Variants in RNF19B observed in about 807,000 individuals in gnomAD.
RNF19B encodes E3 ubiquitin-protein ligase RNF19B.
RNF19B carries 23 observed loss-of-function variants against 65.5 expected under a neutral mutation model. That is an observed-to-expected ratio of 0.35 (90% CI 0.25 to 0.50). RNF19B has a LOEUF of 0.50. Among genes scored for constraint, RNF19B ranks in the 20% least tolerant of loss-of-function variants. The probability of loss-of-function intolerance (pLI) is 0.98; values close to 1 mark genes in which losing one functional copy is unlikely to be tolerated. For synonymous variants in RNF19B, 372 were observed against 379.6 expected, an observed-to-expected ratio of 0.98 and a Z score of 0.23; for missense variants, 794 against 980.0, an observed-to-expected ratio of 0.81 and a Z score of 2.53.
chr1:32,949,606 G>T lies in RNF19B; in HGVS notation c.804C>A (p.His268Gln). 1 of 1,614,012 alleles carries T rather than the reference G, an allele frequency of 6.2e-7. No individual in the cohort carries two copies. Among genetic ancestry groups the T allele is most frequent in the Non-Finnish European group, 8.5e-7 (1 of 1,180,014 alleles). The change falls in exon 2 of 9, where the codon CAC becomes CAA. Residue 268 changes from histidine to glutamine, a missense_variant. By Grantham distance (24) the His-to-Gln change is conservative. Around this residue, in one of 3 missense-constraint regions of RNF19B, gnomAD observed 374 missense variants for 423.8 expected, o/e 0.88. Coordinates refer to ENST00000235150, the MANE Select transcript of RNF19B (RefSeq NM_001300826.2). ...RAQTLRVRTK[H>Q]TSGLSYGQES... ...CTTGCCCATAACTGAGACCTGAAGT[G>T]TGTTTGGTCCGAACTCGTAAAGTCT...
Position 32,964,617 on chromosome 1 carries a change from C to G in RNF19B, c.69G>C (p.Lys23Asn). The G allele has an allele frequency of 6.8e-7, 1 of 1,468,520 alleles. No homozygotes were observed. The highest frequency in any genetic ancestry group is 9.0e-7 in the Non-Finnish European group (1 of 1,113,882). 91.0% of individuals were successfully genotyped at this position (1,468,520 alleles called of 1,614,324 possible). ...TSLHAAAPDP[K>N]CRSGGRRRRL... ...GCCGGCGCCGGCCGCCGCTGCGGCA[C>G]TTAGGGTCGGGTGCGGCCGCATGTA... The change falls in exon 1 of 9, where the codon AAG (lysine) becomes AAC (asparagine). Residue 23 changes from lysine to asparagine, a missense_variant. Physicochemically the swap from Lys to Asn is moderately conservative, Grantham distance 94. This residue lies in a region of RNF19B where 374 missense variants were observed against 423.8 expected (regional missense o/e 0.88). Transcript: ENST00000235150. The surrounding 1 kb of genome is among the most constrained non-coding windows in gnomAD (Gnocchi z 6.5).
At chr1:32,939,616 G>T (rs569044823) in intron 7 of RNF19B, among the ~76,000 whole-genome samples, 157 of 152,316 alleles carry the variant, frequency 1.0e-3, no homozygotes, top group Non-Finnish European at 1.8e-3. Context: ...CAGGGAATGA[G>T]ACTGAAGGAC....
At chr1:32,955,513 T>A (rs1158416933) in intron 1 of RNF19B, among the ~76,000 whole-genome samples, 2 of 150,564 alleles carry the variant, frequency 1.3e-5, no homozygotes, top group African/African-American at 4.9e-5. Flanking sequence ...GTGGATTGCT[T>A]GAGCTCAGGA....
In RNF19B at chr1:32,964,590, G is replaced by A; in HGVS notation, c.96C>T (p.Arg32=). 6.9e-7 allele frequency: 1 copy of A among 1,446,178 alleles called. No individual in the cohort carries two copies. Among genetic ancestry groups the A allele is most frequent in the Middle Eastern group, 2.4e-4 (1 of 4,098 alleles). The allele number at this position is 1,446,178 out of a possible 1,614,324, so 89.6% of individuals were successfully genotyped here. ...CAGAGAAGACGCTGTGCAAGGTGAG[G>A]CGCCGGCGCCGGCCGCCGCTGCGGC... ...PKCRSGGRRR[R]LTLHSVFSAS... The change falls in exon 1 of 9, where the codon CGC becomes CGT. Residue 32 remains arginine (R), a synonymous_variant. Coordinates refer to ENST00000235150, the MANE Select transcript of RNF19B (RefSeq NM_001300826.2). This position sits in a 1 kb window ranked among gnomAD's most constrained non-coding sequence, Gnocchi z 6.5.
chr1:32,953,901 C>CTTTTTTTT (rs1180002582), intron 1 of RNF19B, among the ~76,000 whole-genome samples: 2 of 84,204 alleles, frequency 2.4e-5, no homozygotes, highest in Non-Finnish European at 4.4e-5. Context: ...GCCCCCACTT[C>CTTTTTTTT]TTTTTTTTTT....
Position 32,942,705 on chromosome 1 carries a change from T to G in RNF19B, c.1403-246A>C, listed in dbSNP as rs565243032. On this transcript the variant is annotated intron_variant, in intron 6 of 8. Transcript: ENST00000235150. ...AAACTAAATGACTTGTCCAAGGCCA[T>G]GGTAGTTACATGAAACTATAACTCT... Among the ~76,000 whole-genome samples the G allele has an allele frequency of 6.6e-5, 10 of 152,360 alleles. No individual in the cohort carries two copies. The South Asian group carries it at 2.1e-3, about 32-fold the overall frequency.
chr1:32,937,651 G>C (rs750151747), intron 8 of RNF19B, among the ~76,000 whole-genome samples: 1 of 152,140 alleles, frequency 6.6e-6, no homozygotes, highest in Non-Finnish European at 1.5e-5. Flanking sequence ...CAAGGCTGCA[G>C]TGAGTTATGA....
chr1:32,934,581 T>A (rs143189904), downstream of RNF19B, among the ~76,000 whole-genome samples: 11 of 152,046 alleles, frequency 7.2e-5, no homozygotes, highest in East Asian at 2.2e-3. Context: ...CTTGGGAGTC[T>A]GAGACTTGAG....
In RNF19B at chr1:32,964,605, G is replaced by T. The variant is rs1368338813; in HGVS notation, c.81C>A (p.Gly27=). 2 of 1,456,192 alleles carry T rather than the reference G, an allele frequency of 1.4e-6. No individual in the cohort carries two copies. Among genetic ancestry groups the T allele is most frequent in the South Asian group, 1.3e-5 (1 of 77,454 alleles). 90.2% of individuals were successfully genotyped at this position (1,456,192 alleles called of 1,614,324 possible). A position where few individuals can be genotyped will look rare whatever the true frequency, so the allele number is the denominator to read the frequency against. ...AAAPDPKCRS[G]GRRRRLTLHS... is the part of the protein sequence containing the mutation. ...GCAAGGTGAGGCGCCGGCGCCGGCC[G>T]CCGCTGCGGCACTTAGGGTCGGGTG... Residue 27 remains glycine (G), a synonymous_variant, in exon 1 of 9, where the codon GGC becomes GGA. Coordinates refer to ENST00000235150, the MANE Select transcript of RNF19B (RefSeq NM_001300826.2). This position sits in a 1 kb window ranked among gnomAD's most constrained non-coding sequence, Gnocchi z 6.5.
rs762881563 is a variant in RNF19B at position 32,937,100 on chromosome 1, G to T, written c.1902C>A (p.Pro634=). The part of the protein sequence containing the change: ...GSGGGGSEED[P]PCRHQSCEQK... ...GTTCACAGCTTTGGTGTCTGCAGGGGGGATCCTCTTCACTGCCTCCGCCAC... is the reference window on the plus strand; with the variant it reads ...GTTCACAGCTTTGGTGTCTGCAGGGTGGATCCTCTTCACTGCCTCCGCCAC... Residue 634 remains proline, a synonymous_variant, in exon 9 of 9, where the codon CCC becomes CCA. Transcript: ENST00000235150. 1 of 1,614,044 alleles carries T rather than the reference G, an allele frequency of 6.2e-7. No individual in the cohort carries two copies. The highest frequency in any genetic ancestry group is 1.3e-5 in the African/African-American group (1 of 74,914).
At chr1:32,940,714 C>T (rs1347903862) in intron 7 of RNF19B, among the ~76,000 whole-genome samples, 1 of 152,140 alleles carries the variant, frequency 6.6e-6, no homozygotes, top group Admixed American at 6.5e-5. Flanking sequence ...TACCTTTACC[C>T]CTCCCTAGGC....
intron 1 of RNF19B, among the ~76,000 whole-genome samples, chr1:32,955,515 A>G (rs1334059945): frequency 1.3e-5 from 2 of 151,598 alleles, no homozygotes; most frequent in Non-Finnish European, 2.9e-5. Flanking sequence ...GGATTGCTTG[A>G]GCTCAGGAGT....
At chr1:32,931,430 C>T in the RNF19B span, among the ~76,000 whole-genome samples, 1 of 152,126 alleles carries the variant, frequency 6.6e-6, no homozygotes, top group African/African-American at 2.4e-5. Flanking sequence ...CCAGGGTCTT[C>T]AAGCAGCAGA....
At chr1:32,956,429 G>A (rs1046419382) in intron 1 of RNF19B, among the ~76,000 whole-genome samples, 2 of 151,276 alleles carry the variant, frequency 1.3e-5, no homozygotes, top group African/African-American at 4.9e-5. Flanking sequence ...GCGGTGGCGT[G>A]TGGTGGCACA....
intron 8 of RNF19B, 84 bp from the exon 9 acceptor site, chr1:32,937,343 AG>A: frequency 6.2e-7 from 1 of 1,600,358 alleles, no homozygotes; most frequent in Non-Finnish European, 8.5e-7. Flanking sequence ...GTTCAGGATT[AG>A]GAATTTCAAA....
chr1:32,941,805 A>G (rs754233829), intron 7 of RNF19B, among the ~76,000 whole-genome samples: 1 of 143,414 alleles, frequency 7.0e-6, no homozygotes, highest in Non-Finnish European at 1.5e-5. Flanking sequence ...TTGTAAAAGT[A>G]AAAAAAAAAA....
chr1:32,949,867 C>T (rs919578556), intron 1 of RNF19B, 93 bp from the exon 2 acceptor site: 3 of 883,364 alleles, frequency 3.4e-6, no homozygotes, highest in Admixed American at 4.1e-5. Context: ...TTTGGCACTA[C>T]CCCACTATCA....
chr1:32,934,329 A>G (rs755058138), downstream of RNF19B, among the ~76,000 whole-genome samples: 2 of 152,200 alleles, frequency 1.3e-5, no homozygotes, highest in African/African-American at 2.4e-5. Flanking sequence ...GAGGATTTCA[A>G]TTTTTCCTCT....
chr1:32,934,709 G>A (rs560212616), downstream of RNF19B, among the ~76,000 whole-genome samples: 6 of 152,114 alleles, frequency 3.9e-5, no homozygotes, highest in Non-Finnish European at 8.8e-5. Flanking sequence ...CTGAAAGTTG[G>A]GGAAGTTAGG....
Sources: gnomAD v4.1 joint callset for allele counts (sites outside exome capture counted in the v4.1 genomes callset) on GRCh38, gnomAD v4.1.1 for gene constraint, gnomAD v4.1.1 regional missense constraint, Gnocchi (gnomAD v3.1) non-coding constraint, MANE v1.5 for transcripts, NCBI Gene and HGNC (gene_info 2026-07-23, HGNC 2026-07-21) for gene names.